The following CCDC18 variants were observed in gnomAD, a reference collection of about 807,000 sequenced individuals.
CCDC18 encodes the protein coiled-coil domain-containing protein 18.
CCDC18 carries 157 observed loss-of-function variants against 196.0 expected under a neutral mutation model. The observed-to-expected ratio is 0.80, with a 90% CI of 0.70 to 0.91. The LOEUF is 0.91. CCDC18 is among the 40% of genes least tolerant of loss of function. The pLI, the probability that CCDC18 is intolerant of heterozygous loss-of-function variation, is 0.00. For missense variants in CCDC18, 1,465 were observed against 1,611.6 expected (o/e 0.91, Z 1.56); for synonymous variants, 482 against 529.2 (o/e 0.91, Z 1.22).
At chr1:93,195,811 C>T (rs1244613442) in intron 6 of CCDC18, among the ~76,000 whole-genome samples, 1 of 152,212 alleles carries the variant, frequency 6.6e-6, no homozygotes, top group African/African-American at 2.4e-5. Context: ...GTGAGAAATA[C>T]ATTTCTGTTT....
intron 4 of CCDC18, 62 bp from the exon 5 acceptor site, chr1:93,191,938 T>A (rs922962020): frequency 1.9e-5 from 22 of 1,188,120 alleles, no homozygotes; most frequent in Non-Finnish European, 2.6e-5. Flanking sequence ...GGAAAAAAAC[T>A]AAGGACCAAG....
chr1:93,205,427 C>A, intron 7 of CCDC18, 83 bp from the exon 8 acceptor site: 1 of 1,207,536 alleles, frequency 8.3e-7, no homozygotes, highest in Non-Finnish European at 1.2e-6. Flanking sequence ...CTGCTTATTT[C>A]TGAAATCACT....
At chr1:93,218,926 C>A (rs1257487580) in intron 14 of CCDC18, among the ~76,000 whole-genome samples, 1 of 152,208 alleles carries the variant, frequency 6.6e-6, no homozygotes, top group East Asian at 1.9e-4. Flanking sequence ...TTCTTCATCT[C>A]TGCTGGAAAT....
rs531012632 is a variant in CCDC18 at position 93,231,530 on chromosome 1, A to C, written c.2293-896A>C. Among the ~76,000 whole-genome samples the C allele has an allele frequency of 2.6e-5, 4 of 152,254 alleles. No individual in the cohort carries two copies. The South Asian group carries it at 8.3e-4, about 31-fold the overall frequency. On this transcript the variant is annotated intron_variant, in intron 17 of 28. Transcript: ENST00000690025. Reference sequence around the variant, plus strand: ...CCATTCACTTTGGTAGGAGATGAAGAATATTATAAAATATATTTTAAATTA... The same window carrying C: ...CCATTCACTTTGGTAGGAGATGAAGCATATTATAAAATATATTTTAAATTA...
intron 9 of CCDC18, among the ~76,000 whole-genome samples, chr1:93,207,926 G>A (rs1654967959): frequency 6.6e-6 from 1 of 152,112 alleles, no homozygotes; most frequent in Non-Finnish European, 1.5e-5. Flanking sequence ...CATTCTTAGA[G>A]TCGTTCATGT....
intron 4 of CCDC18, among the ~76,000 whole-genome samples, 172 bp downstream of exon 4, chr1:93,186,675 C>T (rs1373037432): frequency 3.3e-5 from 5 of 151,892 alleles, no homozygotes; most frequent in African/African-American, 1.2e-4. Context: ...TGAATTATAT[C>T]TGAAAATGAT....
intron 9 of CCDC18, among the ~76,000 whole-genome samples, chr1:93,209,521 A>G (rs1374903250): frequency 6.6e-6 from 1 of 152,212 alleles, no homozygotes; most frequent in African/African-American, 2.4e-5. Context: ...AAAAAATCTC[A>G]GAAATCATCT....
At chr1:93,235,392 T>C (rs772941577) in intron 18 of CCDC18, among the ~76,000 whole-genome samples, 2 of 152,202 alleles carry the variant, frequency 1.3e-5, no homozygotes, top group Non-Finnish European at 2.9e-5. Context: ...TGTCATGGGC[T>C]ACTGGAATCA....
chr1:93,255,739 C>G (rs1037413380), intron 24 of CCDC18, among the ~76,000 whole-genome samples: 1 of 114,870 alleles, frequency 8.7e-6, no homozygotes, highest in African/African-American at 4.1e-5. Context: ...CTGTACCAAA[C>G]GAAGAAGAGG....
intron 18 of CCDC18, among the ~76,000 whole-genome samples, chr1:93,233,671 T>C (rs2100735657): frequency 6.6e-6 from 1 of 152,286 alleles, no homozygotes; most frequent in Middle Eastern, 3.4e-3. Context: ...CGATCTCAGC[T>C]CACTGCAACC....
At chr1:93,200,334 T>TTA (rs1553166588) in intron 6 of CCDC18, among the ~76,000 whole-genome samples, 67 of 141,354 alleles carry the variant, frequency 4.7e-4, no homozygotes, top group South Asian at 2.5e-3. Context: ...GGAGATTATT[T>TTA]AAAAAAAAAA....
rs1658292701 is a variant in CCDC18, at chr1:93,226,314, T to TTTTTTC, written c.2176-19_2176-18insTTTTTC. 3 of 866,754 alleles carry TTTTTTC rather than the reference T, an allele frequency of 3.5e-6. No individual in the cohort carries two copies. In the African/African-American group the frequency reaches 6.8e-5, roughly 20 times the overall value. 53.7% of individuals were successfully genotyped at this position (866,754 alleles called of 1,614,324 possible). A position where few individuals can be genotyped will look rare whatever the true frequency, so the allele number is the denominator to read the frequency against. ...TCGTTTTGTGTTTTTTTTTTTTTTT[T>TTTTTTC]GCTTTTTTTCCTGCTTAGGTTAGGC... is the stretch of plus-strand genomic sequence containing the variant. On this transcript the variant is annotated intron_variant, in intron 16 of 28. Transcript: ENST00000690025.
At chr1:93,251,724 G>A (rs538358499) in intron 23 of CCDC18, among the ~76,000 whole-genome samples, 1 of 151,792 alleles carries the variant, frequency 6.6e-6, no homozygotes, top group South Asian at 2.1e-4. Flanking sequence ...TTTGATCTTT[G>A]AGAGTTTCAT....
At chr1:93,211,949 T>A (rs1655717993) in intron 10 of CCDC18, 152 bp from the exon 11 acceptor site, 5 of 608,694 alleles carry the variant, frequency 8.2e-6, no homozygotes, top group Non-Finnish European at 1.4e-5. Context: ...AATTCTACAG[T>A]GGTATATGGG....
At chr1:93,227,219 C>G (rs913794902) in intron 17 of CCDC18, among the ~76,000 whole-genome samples, 2 of 142,172 alleles carry the variant, frequency 1.4e-5, no homozygotes. Context: ...TGCTCTGTCG[C>G]CCAGGCTCGG....
chr1:93,270,795 C>T lies in CCDC18; in HGVS notation c.4334C>T (p.Thr1445Ile). 3 of 1,537,848 alleles carry T rather than the reference C, an allele frequency of 2.0e-6. No individual in the cohort carries two copies. The highest frequency in any genetic ancestry group is 2.6e-6 in the Non-Finnish European group (3 of 1,141,798). Residue 1445 changes from threonine (T) to isoleucine (I), a missense_variant, in exon 28 of 29, where the codon ACA becomes ATA. By Grantham distance (89) the Thr-to-Ile change is moderately conservative. Transcript: ENST00000690025. ...VRLLKKSSMQTGAGLNQGENV is the reference protein window; with the variant it reads ...VRLLKKSSMQIGAGLNQGENV ...CTATTAAAAAAGTCTTCTATGCAAA[C>T]AGGTGCTGGTTTAAATCAGGTATGT...
At chr1:93,192,209 C>T in intron 5 of CCDC18, 103 bp downstream of exon 5, 2 of 744,118 alleles carry the variant, frequency 2.7e-6, no homozygotes, top group South Asian at 1.8e-5. Context: ...TTACAGTAAC[C>T]TAATGGTGTT....
At chr1:93,226,312 T>G in intron 16 of CCDC18, 21 bp from the exon 17 acceptor site, 1 of 933,486 alleles carries the variant, frequency 1.1e-6, no homozygotes, top group Non-Finnish European at 1.6e-6. Context: ...TTTTTTTTTT[T>G]TTGCTTTTTT....
chr1:93,217,496 G>A (rs1024185437), intron 13 of CCDC18, among the ~76,000 whole-genome samples: 1 of 152,136 alleles, frequency 6.6e-6, no homozygotes, highest in Admixed American at 6.5e-5. Flanking sequence ...TCAGGCTGCA[G>A]TGCAGTGGCA....
Sources: gnomAD v4.1 joint callset for allele counts (sites outside exome capture counted in the v4.1 genomes callset) on GRCh38, gnomAD v4.1.1 for gene constraint, MANE v1.5 for transcripts, NCBI Gene and HGNC (gene_info 2026-07-23, HGNC 2026-07-21) for gene names.